The following BCLAF3 variants were observed in gnomAD, a reference collection of about 807,000 sequenced individuals.
The protein encoded by BCLAF3 is BCLAF1 and THRAP3 family member 3.
A neutral mutation model predicts 51.2 loss-of-function variants in BCLAF3; 24 were observed. The ratio of observed to expected loss-of-function variants is 0.47; its 90% CI spans 0.34 to 0.66. The LOEUF is 0.66. Ranked by LOEUF, BCLAF3 falls within the 30% of genes least tolerant of loss-of-function variation. The pLI is 0.01. For synonymous variants in BCLAF3, 152 were observed against 176.6 expected, an observed-to-expected ratio of 0.86 and a Z score of 1.10; for missense variants, 465 against 525.1, an observed-to-expected ratio of 0.89 and a Z score of 1.12.
Position 19,935,863 on chromosome X carries a change from G to C in BCLAF3, c.1896C>G (p.His632Gln), listed in dbSNP as rs963483573. 5 of 1,210,231 alleles carry C rather than the reference G, an allele frequency of 4.1e-6. No individual in the cohort carries two copies. The highest frequency in any genetic ancestry group is 3.4e-6 in the Non-Finnish European group (3 of 894,228). ...GGTTTCCCTCAACCTCAAATGGTTT[G>C]TGAGTAATTATGTCTTTTCTCTGCG... ...YTTQRKDIIT[H>Q]KPFEVEGNHR... The change falls in exon 10 of 12, where the codon CAC (histidine) becomes CAG (glutamine). Residue 632 changes from histidine to glutamine, a missense_variant. Coordinates refer to ENST00000379682, the MANE Select transcript of BCLAF3 (RefSeq NM_001367774.2).
intron 1 of BCLAF3, among the ~76,000 whole-genome samples, chrX:19,986,087 ATAACT>A (rs1369855018): frequency 4.5e-5 from 5 of 112,255 alleles, no homozygotes; most frequent in South Asian, 3.6e-4. Context: ...AAACCATTAG[ATAACT>A]TAAGGAAAAA....
chrX:19,979,398 AT>A (rs1002228175), intron 1 of BCLAF3, among the ~76,000 whole-genome samples: 389 of 108,256 alleles, frequency 3.6e-3, no homozygotes, highest in African/African-American at 0.012. Flanking sequence ...GACCATCAGC[AT>A]TTTTTTTTTA....
intron 1 of BCLAF3, among the ~76,000 whole-genome samples, chrX:19,988,069 G>C (rs762435786): frequency 4.6e-4 from 51 of 112,006 alleles, no homozygotes; most frequent in Non-Finnish European, 6.0e-4. Context: ...GAGAATAGTT[G>C]ACATCAGGCA....
At chrX:19,988,099 C>A (rs1174751853) in intron 1 of BCLAF3, among the ~76,000 whole-genome samples, 1 of 112,174 alleles carries the variant, frequency 8.9e-6, no homozygotes, top group East Asian at 2.8e-4. Context: ...AAATTGCCAT[C>A]TAAATTTGGA....
chrX:19,990,252 C>A (rs1409742051), intron 1 of BCLAF3, among the ~76,000 whole-genome samples: 1 of 112,279 alleles, frequency 8.9e-6, no homozygotes, highest in East Asian at 2.8e-4. Context: ...CCCTCGAGAC[C>A]TACCAACAGG....
At chrX:19,973,319 T>A (rs950078548) in intron 1 of BCLAF3, among the ~76,000 whole-genome samples, 1 of 112,088 alleles carries the variant, frequency 8.9e-6, no homozygotes, top group Non-Finnish European at 1.9e-5. Flanking sequence ...TTTAAACTTG[T>A]TTTAAAAAAT....
At chrX:19,950,519 A>G (rs1235001729) in intron 8 of BCLAF3, among the ~76,000 whole-genome samples, 1 of 112,495 alleles carries the variant, frequency 8.9e-6, no homozygotes, top group Non-Finnish European at 1.9e-5. Flanking sequence ...CATCAGAATT[A>G]CGAAGACCTC....
Position 19,965,644 on chromosome X carries a change from T to C in BCLAF3, c.674A>G (p.Glu225Gly), listed in dbSNP as rs753786972. 5.2e-6 allele frequency: 6 copies of C among 1,151,990 alleles called. No individual in the cohort carries two copies. In the South Asian group the frequency reaches 8.5e-5, roughly 16 times the overall value. The allele number at this position is 1,151,990 out of a possible 1,213,427, so 94.9% of individuals were successfully genotyped here. Residue 225 changes from glutamate (E) to glycine (G), a missense_variant, in exon 4 of 12, where the codon GAG (glutamate) becomes GGG (glycine). Physicochemically the swap from Glu to Gly is moderately conservative, Grantham distance 98. Transcript: ENST00000379682. The part of the protein sequence containing the change: ...GHTSKRPKDV[E>G]RYESREPARN... ...GGCAGGCTCTCTGCTTTCATACCTC[T>C]CCACGTCTTTAGGTCTTTTTGATGT...
intron 8 of BCLAF3, among the ~76,000 whole-genome samples, chrX:19,939,070 T>A (rs1019684184): frequency 8.9e-6 from 1 of 112,070 alleles, no homozygotes; most frequent in Non-Finnish European, 1.9e-5. Context: ...TTTTTAAATG[T>A]TAAAAAGGCC....
intron 11 of BCLAF3, chrX:19,918,115 A>G (rs1254083643): frequency 8.9e-6 from 1 of 111,908 alleles, no homozygotes; most frequent in Non-Finnish European, 1.9e-5. Flanking sequence ...AGAAATGTAA[A>G]AGTTGATTTA....
At chrX:19,965,963 G>A in intron 3 of BCLAF3, 117 bp downstream of exon 3, 2 of 716,488 alleles carry the variant, frequency 2.8e-6, no homozygotes, top group South Asian at 6.0e-5. Context: ...AAATTACAAT[G>A]CTTTTTGTCT....
At chrX:19,940,463 T>C (rs1258605080) in intron 8 of BCLAF3, among the ~76,000 whole-genome samples, 1 of 110,278 alleles carries the variant, frequency 9.1e-6, no homozygotes, top group Non-Finnish European at 1.9e-5. Flanking sequence ...ATATTCCCCT[T>C]CATGTGTCCA....
intron 8 of BCLAF3, among the ~76,000 whole-genome samples, chrX:19,941,484 C>A (rs4825324): frequency 0.26 from 25,082 of 95,601 alleles, 6,264 homozygotes; most frequent in African/African-American, 0.72. Context: ...TCAGCTTTCT[C>A]CATATGGCTA....
intron 6 of BCLAF3, 50 bp from the exon 7 acceptor site, chrX:19,953,101 T>C: frequency 1.1e-6 from 1 of 943,012 alleles, no homozygotes; most frequent in Non-Finnish European, 1.5e-6. Flanking sequence ...TATACACTGA[T>C]ACCCTGATTC....
chrX:19,933,925 G>A (rs1180640939), intron 10 of BCLAF3, among the ~76,000 whole-genome samples: 1 of 110,578 alleles, frequency 9.0e-6, no homozygotes, highest in Non-Finnish European at 1.9e-5. Flanking sequence ...ACAGGTGCAC[G>A]CCACCATGCC....
chrX:19,924,581 C>T (rs1012270691), intron 11 of BCLAF3, among the ~76,000 whole-genome samples: 3 of 111,359 alleles, frequency 2.7e-5, no homozygotes, highest in African/African-American at 6.5e-5. Context: ...CCCAAAACCA[C>T]GAATCCCAGT....
intron 1 of BCLAF3, among the ~76,000 whole-genome samples, chrX:19,977,995 C>T (rs989711316): frequency 3.0e-4 from 33 of 110,591 alleles, no homozygotes; most frequent in Admixed American, 9.7e-4. Context: ...ATATTTTAAG[C>T]CCAATGTTGA....
intron 4 of BCLAF3, among the ~76,000 whole-genome samples, chrX:19,959,000 T>A (rs949318333): frequency 1.8e-5 from 2 of 112,132 alleles, no homozygotes; most frequent in Non-Finnish European, 3.8e-5. Flanking sequence ...CGGCCAGAAC[T>A]GGGCTGCCAG....
chrX:19,978,913 TTG>T (rs968083091), intron 1 of BCLAF3, among the ~76,000 whole-genome samples: 1 of 110,650 alleles, frequency 9.0e-6, no homozygotes, highest in African/African-American at 3.3e-5. Context: ...GAGAAATCTT[TTG>T]TAAAGGAAGA....
Sources: gnomAD v4.1 joint callset for allele counts (sites outside exome capture counted in the v4.1 genomes callset) on GRCh38, gnomAD v4.1.1 for gene constraint, MANE v1.5 for transcripts, NCBI Gene and HGNC (gene_info 2026-07-23, HGNC 2026-07-21) for gene names.